Variants in SMC1A observed in about 807,000 individuals in gnomAD.
SMC1A encodes the protein structural maintenance of chromosomes protein 1A.
Under a neutral mutation model 94.5 loss-of-function variants are expected in SMC1A, and 4 were observed. The ratio of observed to expected loss-of-function variants is 0.04; its 90% confidence interval spans 0.02 to 0.10. The LOEUF (loss-of-function observed/expected upper bound fraction) is 0.10, where lower values mean the gene tolerates loss of function less well. Among genes scored for constraint, SMC1A ranks in the 10% least tolerant of loss-of-function variants. The pLI is 1.00. For synonymous variants in SMC1A, 345 were observed against 347.7 expected, an observed-to-expected ratio of 0.99 and a Z score of 0.09; for missense variants, 304 against 989.0, an observed-to-expected ratio of 0.31 and a Z score of 9.29.
intron 5 of SMC1A, among the ~76,000 whole-genome samples, chrX:53,412,539 TTTAC>T (rs1401628605): frequency 8.9e-6 from 1 of 111,891 alleles, no homozygotes; most frequent in African/African-American, 3.3e-5. Flanking sequence ...ACATCCTGTA[TTTAC>T]TTAGTTGGCC....
intron 19 of SMC1A, among the ~76,000 whole-genome samples, chrX:53,391,720 A>C (rs1291659334): frequency 9.0e-6 from 1 of 111,560 alleles, no homozygotes; most frequent in Non-Finnish European, 1.9e-5. Flanking sequence ...CTTGGGCTCA[A>C]GCAATCCTCC....
rs1556885455 is a variant in SMC1A, at chrX:53,378,288, AG to A, written c.*1814del. 1 of 112,521 alleles carries A rather than the reference AG, an allele frequency of 8.9e-6. No individual in the cohort carries two copies. Among genetic ancestry groups the A allele is most frequent in the Non-Finnish European group, 1.9e-5 (1 of 53,343 alleles). The allele number at this position is 112,521 out of a possible 1,213,427, so 9.3% of individuals were successfully genotyped here. ...ATGCTCCTGTGTAGTATTTTGTAAT[AG>A]CAAAACCTAAAAACAGTCTTAATGT... On this transcript the variant is annotated 3_prime_UTR_variant, in exon 25 of 25. Coordinates refer to ENST00000322213, the MANE Select transcript of SMC1A (RefSeq NM_006306.4).
chrX:53,421,996 A>G, intron 1 of SMC1A: 1 of 1,210,063 alleles, frequency 8.3e-7, no homozygotes. Context: ...AGAAGAGTAG[A>G]AAGGAGTTGG....
intron 18 of SMC1A, 30 bp from the exon 19 acceptor site, chrX:53,394,918 C>G (rs782448251): frequency 2.2e-6 from 2 of 911,873 alleles, no homozygotes; most frequent in East Asian, 3.1e-5. Context: ...TCAAGTGGAG[C>G]AGACTGGCCA....
intron 19 of SMC1A, among the ~76,000 whole-genome samples, chrX:53,384,917 C>A (rs1446157699): frequency 9.1e-6 from 1 of 109,914 alleles, no homozygotes; most frequent in African/African-American, 3.3e-5. Context: ...TGCACTCCAA[C>A]CTGGATGACA....
Position 53,412,031 on chromosome X carries a change from C to T in SMC1A, c.1077G>A (p.Gln359=), listed in dbSNP as rs782721942. 1 of 1,211,595 alleles carries T rather than the reference C, an allele frequency of 8.3e-7. No individual in the cohort carries two copies. Among genetic ancestry groups the T allele is most frequent in the Non-Finnish European group, 1.1e-6 (1 of 895,378 alleles). The change falls in exon 6 of 25, where the codon CAG becomes CAA. Residue 359 remains glutamine (Q), a synonymous_variant. Transcript: ENST00000322213. ...EFEERMEEES[Q]SQGRDLTLEE... ...CCAACGTCAAATCTCTGCCCTGACT[C>T]TGACTCTCTTCTTCCATCCGTTCTT... is the stretch of plus-strand genomic sequence containing the variant.
Position 53,396,345 on chromosome X carries a change from A to G in SMC1A, c.2744T>C (p.Ile915Thr). The G allele has an allele frequency of 8.3e-7, 1 of 1,211,459 alleles. No individual in the cohort carries two copies. The highest frequency in any genetic ancestry group is 1.1e-6 in the Non-Finnish European group (1 of 895,459). ...GCGCTTCTGTTCAAGCTTGGTCTCA[A>G]TGGCTGTCACCTCCTTCTGTAAATG... ...MTHLQKEVTA[I>T]ETKLEQKRSD... is the part of the protein sequence containing the mutation. The change falls in exon 18 of 25, where the codon ATT becomes ACT. Residue 915 changes from isoleucine (I) to threonine (T), a missense_variant. Ile to Thr is a moderately conservative substitution (Grantham distance 89). Transcript: ENST00000322213.
chrX:53,414,533 A>G (rs1303925968), intron 3 of SMC1A, among the ~76,000 whole-genome samples: 5 of 111,893 alleles, frequency 4.5e-5, no homozygotes, highest in African/African-American at 1.6e-4. Flanking sequence ...GCAATACGGA[A>G]TCACTGAAAT....
At position 53,376,762 on chromosome X, in the gene SMC1A, G is replaced by C. The variant is rs1159982361; in HGVS notation, c.*3341C>G. ...TTCACATAAGCTAGATGTTTTTCCT[G>C]TGCTCCTGTCAGTGTTGATCACACT... On this transcript the variant is annotated 3_prime_UTR_variant, in exon 25 of 25. Coordinates refer to ENST00000322213, the MANE Select transcript of SMC1A (RefSeq NM_006306.4). The C allele has an allele frequency of 9.0e-6, 1 of 110,964 alleles. No homozygotes were observed. The highest frequency in any genetic ancestry group is 3.3e-5 in the African/African-American group (1 of 30,455). 9.1% of individuals were successfully genotyped at this position (110,964 alleles called of 1,213,427 possible).
intron 19 of SMC1A, among the ~76,000 whole-genome samples, chrX:53,389,067 C>T (rs2075616873): frequency 9.6e-6 from 1 of 104,109 alleles, no homozygotes; most frequent in African/African-American, 3.5e-5. Context: ...CACTGATCTA[C>T]ATCTAACTAC....
At chrX:53,408,637 G>C (rs2075699554) in intron 9 of SMC1A, among the ~76,000 whole-genome samples, 3 of 110,459 alleles carry the variant, frequency 2.7e-5, no homozygotes, top group Admixed American at 9.7e-5. Context: ...GTTAATACAT[G>C]CCAAGGGAGC....
At position 53,380,688 on chromosome X, in the gene SMC1A, C is replaced by T; in HGVS notation, c.3550G>A (p.Ala1184Thr). 1 of 1,210,089 alleles carries T rather than the reference C, an allele frequency of 8.3e-7. No homozygotes were observed. Among genetic ancestry groups the T allele is most frequent in the Non-Finnish European group, 1.1e-6 (1 of 894,439 alleles). Reference protein sequence around the residue: ...IKEQSTCNFQAIVISLKEEFY... With the variant: ...IKEQSTCNFQTIVISLKEEFY... Reference sequence around the variant, plus strand: ...TCCTCCTTGAGAGAGATGACGATGGCCTGGAAGTTGCAAGTCGACTGCTCC... The same window carrying T: ...TCCTCCTTGAGAGAGATGACGATGGTCTGGAAGTTGCAAGTCGACTGCTCC... Residue 1184 changes from alanine to threonine, a missense_variant, in exon 24 of 25, where the codon GCC (alanine) becomes ACC (threonine). This residue lies in a region of SMC1A where 24 missense variants were observed against 43.5 expected (regional missense o/e 0.55). Transcript: ENST00000322213.
chrX:53,390,380 T>TG (rs2075623400), intron 19 of SMC1A, among the ~76,000 whole-genome samples: 1 of 106,418 alleles, frequency 9.4e-6, no homozygotes, highest in Non-Finnish European at 1.9e-5. Context: ...CCCAGCTACT[T>TG]GGGGGGCTGA....
In SMC1A at chrX:53,414,825, T is replaced by C; in HGVS notation, c.344A>G (p.His115Arg). 4 of 1,208,909 alleles carry C rather than the reference T, an allele frequency of 3.3e-6. No homozygotes were observed. Among genetic ancestry groups the C allele is most frequent in the Non-Finnish European group, 4.5e-6 (4 of 892,787 alleles). Residue 115 changes from histidine (H) to arginine (R), a missense_variant, in exon 3 of 25, where the codon CAT becomes CGT. His to Arg is a conservative substitution (Grantham distance 29, BLOSUM62 0). Around this residue, in one of 11 missense-constraint regions of SMC1A, gnomAD observed 120 missense variants for 314.9 expected, o/e 0.38. Coordinates refer to ENST00000322213, the MANE Select transcript of SMC1A (RefSeq NM_006306.4). ...CTTCTCTAATTCCTCACTGTACTCA[T>C]GTAGTTGGACCACTTTGTTGTTGAT... ...YKINNKVVQL[H>R]EYSEELEKLG... is the part of the protein sequence containing the mutation.
At position 53,380,003 on chromosome X, in the gene SMC1A, A is replaced by G. The variant is rs1238892536; in HGVS notation, c.*100T>C. 1.6e-6 allele frequency: 1 copy of G among 608,595 alleles called. No homozygotes were observed. 50.2% of individuals were successfully genotyped at this position (608,595 alleles called of 1,213,427 possible). A position where few individuals can be genotyped will look rare whatever the true frequency, so the allele number is the denominator to read the frequency against. On this transcript the variant is annotated 3_prime_UTR_variant, in exon 25 of 25. Transcript: ENST00000322213. ...TGCCTAAATCCCATGACTACACCAAAAAGGGCCAGGAGGTAGGGGGAAGGT... is the reference window on the plus strand; with the variant it reads ...TGCCTAAATCCCATGACTACACCAAGAAGGGCCAGGAGGTAGGGGGAAGGT...
At chrX:53,402,601 C>T (rs1191980859) in intron 15 of SMC1A, among the ~76,000 whole-genome samples, 1 of 103,369 alleles carries the variant, frequency 9.7e-6, no homozygotes, top group Non-Finnish European at 2.0e-5. Flanking sequence ...CGTGGTGGCT[C>T]ATCCTGTAAT....
rs956449031 is a variant in SMC1A at position 53,380,735 on chromosome X, G to A, written c.3508-5C>T. ...CTCCTTGATGTAATTTGCCACCTGT[G>A]GGAAAGGCCGCCAGGCACTTAGCAA... On this transcript the variant is annotated splice_region_variant and splice_polypyrimidine_tract_variant and intron_variant, in intron 23 of 24. Coordinates refer to ENST00000322213, the MANE Select transcript of SMC1A (RefSeq NM_006306.4). 1 of 1,159,098 alleles carries A rather than the reference G, an allele frequency of 8.6e-7. No homozygotes were observed. The highest frequency in any genetic ancestry group is 2.2e-5 in the Admixed American group (1 of 45,924).
chrX:53,422,126 C>A (rs1430656195), intron 1 of SMC1A: 5 of 1,053,848 alleles, frequency 4.7e-6, no homozygotes, highest in Non-Finnish European at 6.4e-6. Flanking sequence ...TCAAGTAAGG[C>A]TGGGAAGCCG....
chrX:53,399,044 C>T (rs781859807), intron 16 of SMC1A, among the ~76,000 whole-genome samples: 49 of 110,998 alleles, frequency 4.4e-4, no homozygotes, highest in African/African-American at 1.3e-3. Context: ...TCGAGACCAG[C>T]CTGGCCAATA....
Sources: allele counts gnomAD v4.1 joint callset (sites outside exome capture counted in the v4.1 genomes callset), GRCh38; gene constraint gnomAD v4.1.1; regional missense constraint gnomAD v4.1.1; transcripts MANE v1.5; gene names NCBI Gene and HGNC (gene_info 2026-07-23, HGNC 2026-07-21).